Variants in DPYD observed in about 807,000 individuals in gnomAD.
DPYD encodes dihydropyrimidine dehydrogenase, also known as dihydropyrimidine dehydrogenase [NADP(+)].
A neutral mutation model predicts 116.2 loss-of-function variants in DPYD; 109 were observed. The ratio of observed to expected loss-of-function variants is 0.94; its 90% CI spans 0.80 to 1.10. The LOEUF (loss-of-function observed/expected upper bound fraction) is 1.10. DPYD is among the 50% of genes least tolerant of loss of function. DPYD has a pLI of 0.00. For missense variants in DPYD, 1,302 were observed against 1,254.5 expected, an observed-to-expected ratio of 1.04 and a Z score of -0.57; for synonymous variants, 440 against 432.0, an observed-to-expected ratio of 1.02 and a Z score of -0.23.
intron 18 of DPYD, among the ~76,000 whole-genome samples, chr1:97,282,141 G>A (rs1157782438): frequency 6.6e-6 from 1 of 152,046 alleles, no homozygotes; most frequent in African/African-American, 2.4e-5. Context: ...ACCCACTGGT[G>A]TTACTGTGTT....
At chr1:97,261,040 C>T (rs1259334004) in intron 18 of DPYD, among the ~76,000 whole-genome samples, 3 of 151,998 alleles carry the variant, frequency 2.0e-5, no homozygotes, top group Non-Finnish European at 2.9e-5. Context: ...AATCGTTCAC[C>T]ATAAGTAAAC....
At chr1:97,626,085 C>A (rs1311194776) in intron 8 of DPYD, among the ~76,000 whole-genome samples, 1 of 152,140 alleles carries the variant, frequency 6.6e-6, no homozygotes, top group East Asian at 1.9e-4. Context: ...GAGACCACTT[C>A]TTTCTTAATT....
chr1:97,124,490 A>G (rs1341883782), intron 20 of DPYD, among the ~76,000 whole-genome samples: 1 of 152,108 alleles, frequency 6.6e-6, no homozygotes. Flanking sequence ...GATTTATTCC[A>G]AGCACAGGTT....
intron 13 of DPYD, among the ~76,000 whole-genome samples, chr1:97,452,319 C>G (rs1481167013): frequency 6.6e-6 from 1 of 152,134 alleles, no homozygotes; most frequent in Non-Finnish European, 1.5e-5. Flanking sequence ...CAGCATAAGA[C>G]TTGTAAAGAA....
At position 97,518,373 on chromosome 1, in the gene DPYD, G is replaced by A. The variant is rs545062648; in HGVS notation, c.1525-2432C>T. 2.0e-4 allele frequency among the ~76,000 whole-genome samples: 30 copies of A among 151,874 alleles called. No individual in the cohort carries two copies. The East Asian group carries it at 3.7e-3, about 19-fold the overall frequency. ...GGCTATTTTTAGCTTTGTCTTTGTC[G>A]TGCTATAGCAACTCAGTCTGTTCAG... On this transcript the variant is annotated intron_variant, in intron 12 of 22. Coordinates refer to ENST00000370192, the MANE Select transcript of DPYD (RefSeq NM_000110.4).
At chr1:97,812,058 C>A (rs1668372997) in intron 3 of DPYD, among the ~76,000 whole-genome samples, 1 of 152,026 alleles carries the variant, frequency 6.6e-6, no homozygotes, top group Non-Finnish European at 1.5e-5. Context: ...TTTCCTTTAC[C>A]CACTGCTTCT....
In DPYD at chr1:97,765,788, A is replaced by C. The variant is rs192780974; in HGVS notation, c.234-25309T>G. Among the ~76,000 whole-genome samples the C allele has an allele frequency of 2.6e-5, 4 of 152,350 alleles. No individual in the cohort carries two copies. In the East Asian group the frequency reaches 7.7e-4, roughly 29 times the overall value. ...ACAAGTACAATAATATGTAACACAA[A>C]CCTAAAATATGTGGCACTGGCTCTA... On this transcript the variant is annotated intron_variant, in intron 3 of 22. Transcript: ENST00000370192.
intron 16 of DPYD, among the ~76,000 whole-genome samples, chr1:97,330,888 C>G (rs1668952930): frequency 6.6e-6 from 1 of 152,074 alleles, no homozygotes; most frequent in Non-Finnish European, 1.5e-5. Flanking sequence ...TCCACAGGGA[C>G]AATCATAATA....
intron 12 of DPYD, among the ~76,000 whole-genome samples, chr1:97,542,525 C>A (rs982508691): frequency 6.6e-6 from 1 of 152,058 alleles, no homozygotes; most frequent in Non-Finnish European, 1.5e-5. Flanking sequence ...TTTTCTTATT[C>A]TTTTTAAATT....
intron 14 of DPYD, among the ~76,000 whole-genome samples, chr1:97,422,447 T>C (rs1473759589): frequency 1.3e-5 from 2 of 152,292 alleles, no homozygotes; most frequent in East Asian, 1.9e-4. Context: ...TAACTAGAGA[T>C]TGTAGTAGAC....
intron 4 of DPYD, among the ~76,000 whole-genome samples, chr1:97,728,321 C>T (rs1220655170): frequency 6.6e-6 from 1 of 152,054 alleles, no homozygotes; most frequent in Non-Finnish European, 1.5e-5. Flanking sequence ...ATAGGCACGA[C>T]ATGTGCCACT....
At chr1:97,855,208 C>G (rs1270935794) in intron 2 of DPYD, 2 of 152,286 alleles carry the variant, frequency 1.3e-5, no homozygotes, top group African/African-American at 2.4e-5. Flanking sequence ...TTCTGGCGAC[C>G]TGAGATAGCT....
chr1:97,387,169 C>G (rs1050638018), intron 14 of DPYD, among the ~76,000 whole-genome samples: 1 of 151,966 alleles, frequency 6.6e-6, no homozygotes, highest in African/African-American at 2.4e-5. Flanking sequence ...GATAGTGAAA[C>G]CCAGATGCTA....
chr1:97,356,744 A>G (rs1229779783), intron 16 of DPYD, among the ~76,000 whole-genome samples: 1 of 152,146 alleles, frequency 6.6e-6, no homozygotes, highest in African/African-American at 2.4e-5. Context: ...ACATGGATAT[A>G]CATTTTTCAC....
At chr1:97,734,257 G>A (rs1278882418) in intron 4 of DPYD, among the ~76,000 whole-genome samples, 4 of 152,024 alleles carry the variant, frequency 2.6e-5, no homozygotes, top group African/African-American at 9.7e-5. Context: ...TAAAAGTAAA[G>A]TCAAAATTAT....
At chr1:97,722,501 ACT>A (rs921410619) in intron 4 of DPYD, among the ~76,000 whole-genome samples, 1 of 151,446 alleles carries the variant, frequency 6.6e-6, no homozygotes, top group African/African-American at 2.4e-5. Context: ...GCATATGGAA[ACT>A]CTCTGTACTA....
At chr1:97,516,152 A>C (rs996890946) in intron 12 of DPYD, among the ~76,000 whole-genome samples, 1 of 152,000 alleles carries the variant, frequency 6.6e-6, no homozygotes, top group Admixed American at 6.6e-5. Context: ...GAAGAGTACT[A>C]GCAGAAATAA....
chr1:97,852,416 AC>A (rs1262984506), intron 2 of DPYD, among the ~76,000 whole-genome samples: 1 of 151,978 alleles, frequency 6.6e-6, no homozygotes, highest in East Asian at 1.9e-4. Context: ...AGTTGAAGTA[AC>A]CTCCTCAACA....
chr1:97,340,773 G>C (rs955569730), intron 16 of DPYD, among the ~76,000 whole-genome samples: 1 of 152,186 alleles, frequency 6.6e-6, no homozygotes, highest in South Asian at 2.1e-4. Context: ...TAAATACGTA[G>C]ATAAGTTGAG....
Sources: allele counts gnomAD v4.1 joint callset (sites outside exome capture counted in the v4.1 genomes callset), GRCh38; gene constraint gnomAD v4.1.1; transcripts MANE v1.5; gene names NCBI Gene and HGNC (gene_info 2026-07-23, HGNC 2026-07-21).